Variants in SGK1 observed in about 807,000 individuals in gnomAD.
The protein encoded by SGK1 is serum/glucocorticoid regulated kinase 1, also known as serine/threonine-protein kinase Sgk1.
SGK1 carries 26 observed loss-of-function variants against 64.2 expected under a neutral mutation model. The observed-to-expected ratio is 0.40, with a 90% CI of 0.30 to 0.56. The LOEUF is 0.56. SGK1 is among the 20% of genes least tolerant of loss of function. The probability of loss-of-function intolerance (pLI) is 0.38; values close to 1 mark genes in which losing one functional copy is unlikely to be tolerated. For missense variants in SGK1, 519 were observed against 645.6 expected, an observed-to-expected ratio of 0.80 and a Z score of 2.12; for synonymous variants, 265 against 239.7, an observed-to-expected ratio of 1.11 and a Z score of -0.98.
chr6:134,308,105 C>T (rs531619673), intron 1 of SGK1, among the ~76,000 whole-genome samples: 1 of 152,216 alleles, frequency 6.6e-6, no homozygotes, highest in African/African-American at 2.4e-5. Flanking sequence ...TCTTTTAAAC[C>T]ACACCGGAAG....
At chr6:134,250,116 A>G (rs534751690) in intron 2 of SGK1, among the ~76,000 whole-genome samples, 23 of 152,322 alleles carry the variant, frequency 1.5e-4, no homozygotes, top group African/African-American at 5.5e-4. Flanking sequence ...CAAAAGGAAA[A>G]CAACAGGAAA....
At chr6:134,213,647 A>AAATAAAT (rs1562252955) in intron 2 of SGK1, among the ~76,000 whole-genome samples, 4 of 148,060 alleles carry the variant, frequency 2.7e-5, no homozygotes, top group African/African-American at 9.9e-5. Flanking sequence ...AATAAATAAT[A>AAATAAAT]AATAAATAAA....
chr6:134,300,794 G>A (rs556515138), intron 1 of SGK1, among the ~76,000 whole-genome samples: 34 of 151,380 alleles, frequency 2.2e-4, no homozygotes, highest in African/African-American at 4.8e-4. Context: ...CACCACACCC[G>A]GCTAATTTTT....
At chr6:134,193,534 C>A in intron 3 of SGK1, among the ~76,000 whole-genome samples, 1 of 151,848 alleles carries the variant, frequency 6.6e-6, no homozygotes, top group Non-Finnish European at 1.5e-5. Context: ...TCTAGCCCCA[C>A]TTCCAGTTTG....
At chr6:134,262,175 A>C in intron 1 of SGK1, 27 bp from the exon 2 acceptor site, 1 of 1,500,458 alleles carries the variant, frequency 6.7e-7, no homozygotes, top group Non-Finnish European at 9.0e-7. Flanking sequence ...GAAAGAAAAA[A>C]CAAATGTGTT....
chr6:134,173,241 G>T (rs569898521), intron 7 of SGK1, 33 bp downstream of exon 7: 1 of 1,607,890 alleles, frequency 6.2e-7, no homozygotes, highest in Non-Finnish European at 8.5e-7. Context: ...AGTGTCTACC[G>T]CCAATGCCAG....
intron 1 of SGK1, among the ~76,000 whole-genome samples, chr6:134,299,738 T>A (rs1448995392): frequency 6.6e-6 from 1 of 152,008 alleles, no homozygotes; most frequent in Non-Finnish European, 1.5e-5. Flanking sequence ...GCCTGTTCAT[T>A]CTAGTTTAGG....
chr6:134,207,270 C>T, intron 3 of SGK1, 86 bp downstream of exon 3: 1 of 815,096 alleles, frequency 1.2e-6, no homozygotes, highest in Non-Finnish European at 2.0e-6. Context: ...AAAATATTTC[C>T]CCCCAAACCT....
At chr6:134,212,067 T>TG (rs67716719) in intron 2 of SGK1, among the ~76,000 whole-genome samples, 89,165 of 148,138 alleles carry the variant, frequency 0.6, 29,507 homozygotes, top group South Asian at 0.83. Context: ...TTGTTTTTTT[T>TG]GGGGGGGACG....
intron 1 of SGK1, among the ~76,000 whole-genome samples, chr6:134,289,964 C>T (rs1777239335): frequency 6.6e-6 from 1 of 151,924 alleles, no homozygotes; most frequent in African/African-American, 2.4e-5. Flanking sequence ...GCCTTACCAA[C>T]ATGGTGAAAC....
chr6:134,304,464 C>T (rs1777506009), intron 1 of SGK1, among the ~76,000 whole-genome samples: 1 of 152,090 alleles, frequency 6.6e-6, no homozygotes, highest in Non-Finnish European at 1.5e-5. Flanking sequence ...CCAGCAAGGC[C>T]AACAAGGTGA....
intron 3 of SGK1, chr6:134,175,518 C>G (rs901132301): frequency 6.8e-7 from 1 of 1,466,322 alleles, no homozygotes; most frequent in African/African-American, 1.5e-5. Flanking sequence ...AGCCAAGCCC[C>G]CAGCGGGGCC....
chr6:134,306,921 G>GGC (rs1777544427), intron 1 of SGK1, among the ~76,000 whole-genome samples: 1 of 144,462 alleles, frequency 6.9e-6, no homozygotes, highest in African/African-American at 2.6e-5. Flanking sequence ...AGGGGGGGGG[G>GGC]GCGGAATTTC....
At chr6:134,309,868 C>T (rs2114801411) in intron 1 of SGK1, among the ~76,000 whole-genome samples, 1 of 152,042 alleles carries the variant, frequency 6.6e-6, no homozygotes, top group East Asian at 1.9e-4. Flanking sequence ...TATTTTTGGA[C>T]TTATTTCTAA....
At chr6:134,205,400 T>TA (rs1775753507) in intron 3 of SGK1, among the ~76,000 whole-genome samples, 1 of 151,878 alleles carries the variant, frequency 6.6e-6, no homozygotes, top group Non-Finnish European at 1.5e-5. Flanking sequence ...ATGAAATTGA[T>TA]AATGTTTAGA....
At chr6:134,268,353 C>A (rs1326489802) in intron 1 of SGK1, among the ~76,000 whole-genome samples, 1 of 152,160 alleles carries the variant, frequency 6.6e-6, no homozygotes, top group East Asian at 1.9e-4. Flanking sequence ...TAGTTTTATT[C>A]AGAGCTACAC....
intron 11 of SGK1, chr6:134,171,432 T>A: frequency 1.6e-6 from 1 of 610,688 alleles, no homozygotes; most frequent in Non-Finnish European, 2.9e-6. Flanking sequence ...ACAGGTTCAA[T>A]GTGGTCCTAT....
At chr6:134,282,356 T>A (rs1437805883) in intron 1 of SGK1, among the ~76,000 whole-genome samples, 1 of 152,104 alleles carries the variant, frequency 6.6e-6, no homozygotes, top group Non-Finnish European at 1.5e-5. Context: ...TCAGTTAACT[T>A]CTAAAAGAGT....
At chr6:134,312,081 C>T (rs535379053) in intron 1 of SGK1, among the ~76,000 whole-genome samples, 48 of 152,278 alleles carry the variant, frequency 3.2e-4, no homozygotes, top group Non-Finnish European at 5.9e-4. Flanking sequence ...ACTCCAGTGA[C>T]GCAAATGGAA....
Sources: gnomAD v4.1 joint callset for allele counts (sites outside exome capture counted in the v4.1 genomes callset) on GRCh38, gnomAD v4.1.1 for gene constraint, MANE v1.5 for transcripts, NCBI Gene and HGNC (gene_info 2026-07-23, HGNC 2026-07-21) for gene names.